The following SFXN5 variants were observed in gnomAD, a reference collection of about 807,000 sequenced individuals.
SFXN5 encodes sideroflexin 5, also known as sideroflexin-5.
In SFXN5, 43 loss-of-function variants were observed where a neutral mutation model predicts 50.2. The ratio of observed to expected loss-of-function variants is 0.86; its 90% CI spans 0.67 to 1.11. SFXN5 has a LOEUF of 1.11. Ranked by LOEUF, SFXN5 falls within the 50% of genes least tolerant of loss-of-function variation. SFXN5 has a pLI of 0.00. For synonymous variants in SFXN5, 203 were observed against 185.8 expected (o/e 1.09, Z -0.75); for missense variants, 463 against 454.1 (o/e 1.02, Z -0.18).
chr2:73,068,415 T>C (rs1308502067), intron 1 of SFXN5, among the ~76,000 whole-genome samples: 2 of 152,218 alleles, frequency 1.3e-5, no homozygotes, highest in East Asian at 3.9e-4. Flanking sequence ...CCAACCTTTG[T>C]GTCTTTAGAC....
rs1476348559 is a variant in SFXN5, at chr2:72,992,269, G to T, written c.535-3921C>A. Among the ~76,000 whole-genome samples, 2 of 152,318 alleles carry T rather than the reference G, an allele frequency of 1.3e-5. No individual in the cohort carries two copies. Among genetic ancestry groups the T allele is most frequent in the East Asian group, 3.9e-4 (2 of 5,190 alleles). ...GACCAGCACCAGGAGCTATGGGTGG[G>T]GTGGGAGCTTCATGACACCAAATCT... On this transcript the variant is annotated intron_variant, in intron 9 of 13. Transcript: ENST00000272433. The surrounding 1 kb of genome is among the most constrained non-coding windows in gnomAD (Gnocchi z 4.5).
chr2:73,023,123 G>C lies in SFXN5; in HGVS notation c.276+65C>G, dbSNP rs139357218. On this transcript the variant is annotated intron_variant, in intron 4 of 13. Coordinates refer to ENST00000272433, the MANE Select transcript of SFXN5 (RefSeq NM_144579.3). ...GAGGGGGGCTTCCACTAGATCCCTG[G>C]GACAGGGCAGGGTGGAGTCCAGGAC... 1.3e-3 allele frequency: 1,980 copies of C among 1,533,896 alleles called. 32 individuals are homozygous for C. The African/African-American group carries it at 0.025, about 19-fold the overall frequency.
At chr2:73,013,961 A>G (rs2105785964) in intron 6 of SFXN5, among the ~76,000 whole-genome samples, 1 of 152,280 alleles carries the variant, frequency 6.6e-6, no homozygotes, top group Non-Finnish European at 1.5e-5. Context: ...TAAACTATAT[A>G]TAATATTGCT....
Position 73,041,765 on chromosome 2 carries a change from C to T in SFXN5, c.172-834G>A, listed in dbSNP as rs145859632. 263 of 265,158 alleles carry T rather than the reference C, an allele frequency of 9.9e-4. 4 individuals are homozygous for T. Among genetic ancestry groups the T allele is most frequent in the South Asian group, 4.6e-3 (137 of 29,594 alleles). 16.4% of individuals were successfully genotyped at this position (265,158 alleles called of 1,614,324 possible). A position where few individuals can be genotyped will look rare whatever the true frequency, so the allele number is the denominator to read the frequency against. On this transcript the variant is annotated intron_variant, in intron 2 of 13. Transcript: ENST00000272433. Reference sequence around the variant, plus strand: ...TCACCCAGGCTGGAGTGCAGTGGCACGATCTCAACACACTGCAGCCTCAAC... The same window carrying T: ...TCACCCAGGCTGGAGTGCAGTGGCATGATCTCAACACACTGCAGCCTCAAC...
At chr2:72,966,739 T>C (rs1230400114) in intron 12 of SFXN5, among the ~76,000 whole-genome samples, 1 of 152,166 alleles carries the variant, frequency 6.6e-6, no homozygotes, top group Non-Finnish European at 1.5e-5. Context: ...ACAAAAATTC[T>C]ATCCTGCTCT....
At chr2:73,059,784 C>G in intron 1 of SFXN5, 1 of 979,828 alleles carries the variant, frequency 1.0e-6, no homozygotes, top group Non-Finnish European at 1.2e-6. Flanking sequence ...TAAAGACATA[C>G]ATAAGGGAGG....
chr2:72,967,311 T>C (rs542838858), intron 12 of SFXN5: 1 of 152,290 alleles, frequency 6.6e-6, no homozygotes, highest in East Asian at 1.9e-4. Flanking sequence ...ACGTGCCTCA[T>C]GGAGATGACA....
chr2:73,041,731 C>T, intron 2 of SFXN5: 1 of 313,626 alleles, frequency 3.2e-6, no homozygotes. Context: ...GAGACAACGT[C>T]TTATTTTGTC....
intron 3 of SFXN5, among the ~76,000 whole-genome samples, chr2:73,024,786 G>T (rs1677348459): frequency 6.6e-6 from 1 of 152,212 alleles, no homozygotes; most frequent in African/African-American, 2.4e-5. Context: ...TAGAATGGTT[G>T]TTATGCTTCA....
chr2:73,007,248 G>A (rs1444445965), intron 6 of SFXN5, among the ~76,000 whole-genome samples: 2 of 152,100 alleles, frequency 1.3e-5, no homozygotes, highest in African/African-American at 2.4e-5. Flanking sequence ...CAGGAGAAAG[G>A]TTTTTTTAAA....
intron 3 of SFXN5, among the ~76,000 whole-genome samples, chr2:73,029,453 A>G (rs917068424): frequency 6.6e-6 from 1 of 152,164 alleles, no homozygotes; most frequent in Admixed American, 6.5e-5. Context: ...GGATTTAATC[A>G]TCTTTCAAAG....
chr2:72,957,834 G>A (rs1448084211), intron 13 of SFXN5, among the ~76,000 whole-genome samples: 2 of 152,242 alleles, frequency 1.3e-5, no homozygotes, highest in Non-Finnish European at 2.9e-5. Context: ...ATCTTGTTGG[G>A]ATCCACATAG....
intron 3 of SFXN5, among the ~76,000 whole-genome samples, chr2:73,034,025 T>C (rs1221653736): frequency 6.6e-6 from 1 of 152,130 alleles, no homozygotes; most frequent in African/African-American, 2.4e-5. Flanking sequence ...GAACAAACAA[T>C]GTCCTGTATA....
Position 72,950,592 on chromosome 2 carries a change from C to T in SFXN5, c.946-5493G>A, listed in dbSNP as rs569912375. Among the ~76,000 whole-genome samples, 41 of 152,200 alleles carry T rather than the reference C, an allele frequency of 2.7e-4. No homozygotes were observed. Among genetic ancestry groups the T allele is most frequent in the Non-Finnish European group, 4.9e-4 (33 of 68,022 alleles). ...CCTGCTCACCTATATGTGATGTTTC[C>T]TCCCCTGTCCACCAAAAACTAAGCA... On this transcript the variant is annotated intron_variant, in intron 13 of 13. Coordinates refer to ENST00000272433, the MANE Select transcript of SFXN5 (RefSeq NM_144579.3). This position sits in a 1 kb window ranked among gnomAD's most constrained non-coding sequence, Gnocchi z 4.2.
intron 1 of SFXN5, among the ~76,000 whole-genome samples, chr2:73,064,170 CAGA>C (rs2106058600): frequency 6.6e-6 from 1 of 152,310 alleles, no homozygotes; most frequent in Admixed American, 6.5e-5. Context: ...GCAAAGATCC[CAGA>C]AGAAGCTGAC....
intron 10 of SFXN5, among the ~76,000 whole-genome samples, chr2:72,984,578 T>C (rs1457119670): frequency 6.6e-6 from 1 of 152,236 alleles, no homozygotes; most frequent in Non-Finnish European, 1.5e-5. Flanking sequence ...ACTTTGTTCA[T>C]TCTTCTGTAA....
chr2:72,990,358 G>T (rs116823614), intron 9 of SFXN5, among the ~76,000 whole-genome samples: 1 of 152,118 alleles, frequency 6.6e-6, no homozygotes, highest in African/African-American at 2.4e-5. Flanking sequence ...GGGAGCTGCC[G>T]GCTCATACTG....
rs187174468 is a variant in SFXN5, at chr2:73,007,220, C to T, written c.358-5642G>A. On this transcript the variant is annotated intron_variant, in intron 6 of 13. Coordinates refer to ENST00000272433, the MANE Select transcript of SFXN5 (RefSeq NM_144579.3). ...CCCACCCCCTTGGCCACCTCCCATA[C>T]AAAACTGACTCAAACTACAGGAGAA... 5.3e-5 allele frequency among the ~76,000 whole-genome samples: 8 copies of T among 152,230 alleles called. No homozygotes were observed. In the East Asian group the frequency reaches 1.4e-3, roughly 26 times the overall value.
At chr2:73,028,347 T>C (rs924028131) in intron 3 of SFXN5, among the ~76,000 whole-genome samples, 3 of 152,186 alleles carry the variant, frequency 2.0e-5, no homozygotes, top group African/African-American at 7.2e-5. Flanking sequence ...TCCCACTGCC[T>C]CAGCCACCGC....
Sources: gnomAD v4.1 joint callset for allele counts (sites outside exome capture counted in the v4.1 genomes callset) on GRCh38, gnomAD v4.1.1 for gene constraint, Gnocchi (gnomAD v3.1) non-coding constraint, MANE v1.5 for transcripts, NCBI Gene and HGNC (gene_info 2026-07-23, HGNC 2026-07-21) for gene names.